Variants in EFL1 observed in about 807,000 individuals in gnomAD.
EFL1 encodes the protein elongation factor like GTPase 1.
EFL1 carries 76 observed loss-of-function variants against 126.7 expected under a neutral mutation model. The ratio of observed to expected loss-of-function variants is 0.60; its 90% CI spans 0.50 to 0.73. The LOEUF is 0.73. Among genes scored for constraint, EFL1 ranks in the 30% least tolerant of loss-of-function variants. EFL1 has a pLI of 0.00. For synonymous variants in EFL1, 410 were observed against 448.4 expected (o/e 0.91, Z 1.08); for missense variants, 1,128 against 1,343.2 (o/e 0.84, Z 2.50).
chr15:82,196,462 G>A (rs2074409047), intron 15 of EFL1, among the ~76,000 whole-genome samples: 1 of 152,180 alleles, frequency 6.6e-6, no homozygotes, highest in Non-Finnish European at 1.5e-5. Flanking sequence ...TAAGTGAGAA[G>A]AATCAGTAAC....
chr15:82,245,262 C>T (rs1193948499), intron 4 of EFL1, among the ~76,000 whole-genome samples: 1 of 152,026 alleles, frequency 6.6e-6, no homozygotes, highest in Non-Finnish European at 1.5e-5. Context: ...AGCGATCCTC[C>T]TGCCTCAGCC....
At chr15:82,245,775 A>T (rs1455570266) in intron 4 of EFL1, among the ~76,000 whole-genome samples, 8 of 151,878 alleles carry the variant, frequency 5.3e-5, no homozygotes, top group Admixed American at 1.3e-4. Context: ...TCTACAAAAA[A>T]ATTTAAAAAA....
chr15:82,233,005 T>C (rs1054245911), intron 7 of EFL1, among the ~76,000 whole-genome samples: 15 of 152,300 alleles, frequency 9.8e-5, no homozygotes, highest in African/African-American at 3.6e-4. Flanking sequence ...ATTCTGAAAG[T>C]GGTAAACTTA....
At position 82,259,165 on chromosome 15, in the gene EFL1, T is replaced by C. The variant is rs1474947941; in HGVS notation, c.92-10A>G. The C allele has an allele frequency of 3.7e-6, 6 of 1,611,928 alleles. No individual in the cohort carries two copies. The highest frequency in any genetic ancestry group is 4.2e-6 in the Non-Finnish European group (5 of 1,178,174). On this transcript the variant is annotated splice_polypyrimidine_tract_variant and intron_variant, in intron 2 of 19. Transcript: ENST00000268206. ...GCCAGAGTAGTTTTTCCTGTTAAAA[T>C]AGCAACATCAATTCAAATCTATATC...
At chr15:82,134,358 GAAGAAA>G (rs2073697164) in intron 19 of EFL1, among the ~76,000 whole-genome samples, 1 of 149,846 alleles carries the variant, frequency 6.7e-6, no homozygotes, top group South Asian at 2.1e-4. Flanking sequence ...ATATCAAACT[GAAGAAA>G]AAGGTGCTTT....
At chr15:82,202,790 G>A (rs1390201888) in intron 15 of EFL1, among the ~76,000 whole-genome samples, 2 of 151,312 alleles carry the variant, frequency 1.3e-5, no homozygotes, top group African/African-American at 2.4e-5. Flanking sequence ...CAAACTCAAG[G>A]AAAGATATTA....
At chr15:82,137,170 A>G (rs1280365279) in intron 19 of EFL1, among the ~76,000 whole-genome samples, 1 of 152,150 alleles carries the variant, frequency 6.6e-6, no homozygotes. Context: ...ACCCTTCTTT[A>G]CTTCACTGAT....
chr15:82,156,880 T>C (rs866251123), intron 17 of EFL1, among the ~76,000 whole-genome samples: 1 of 152,194 alleles, frequency 6.6e-6, no homozygotes, highest in Non-Finnish European at 1.5e-5. Context: ...GTCTTCAAGA[T>C]TGGTGAAATT....
At chr15:82,154,655 G>C (rs977558622) in intron 17 of EFL1, among the ~76,000 whole-genome samples, 1 of 152,184 alleles carries the variant, frequency 6.6e-6, no homozygotes, top group Non-Finnish European at 1.5e-5. Context: ...ATGCCATTAA[G>C]TATGAAGGTA....
At chr15:82,221,404 G>C (rs1312991461) in intron 12 of EFL1, among the ~76,000 whole-genome samples, 1 of 152,134 alleles carries the variant, frequency 6.6e-6, no homozygotes, top group African/African-American at 2.4e-5. Flanking sequence ...CTGATGCAAA[G>C]TGGCCTAACT....
chr15:82,256,520 T>C (rs1310856134), intron 3 of EFL1, among the ~76,000 whole-genome samples: 1 of 152,210 alleles, frequency 6.6e-6, no homozygotes, highest in Non-Finnish European at 1.5e-5. Context: ...GTAGAAGTTA[T>C]AACACAATGA....
chr15:82,178,276 C>T (rs965016470), intron 15 of EFL1, among the ~76,000 whole-genome samples: 2 of 152,194 alleles, frequency 1.3e-5, no homozygotes, highest in Admixed American at 6.5e-5. Context: ...ATAATAACCA[C>T]CAAATCACAC....
At chr15:82,239,852 C>G (rs1475788335) in intron 6 of EFL1, among the ~76,000 whole-genome samples, 5 of 152,176 alleles carry the variant, frequency 3.3e-5, no homozygotes, top group Admixed American at 1.3e-4. Context: ...TCATTCTTCC[C>G]TCTTGACCCA....
chr15:82,135,257 A>AT (rs200491180), intron 19 of EFL1, among the ~76,000 whole-genome samples: 56 of 152,258 alleles, frequency 3.7e-4, no homozygotes, highest in African/African-American at 1.3e-3. Context: ...AGAAAGTAAT[A>AT]TTTTTTAAAA....
intron 15 of EFL1, among the ~76,000 whole-genome samples, chr15:82,202,313 T>TA (rs34371343): frequency 0.15 from 23,169 of 151,844 alleles, 3,196 homozygotes; most frequent in African/African-American, 0.37. Flanking sequence ...TTCTTTGGAT[T>TA]AAAAAAAATT....
At chr15:82,131,760 C>G (rs2141204745) in intron 19 of EFL1, among the ~76,000 whole-genome samples, 1 of 152,076 alleles carries the variant, frequency 6.6e-6, no homozygotes. Context: ...CCATTGCACT[C>G]CAGCCTGGGC....
intron 4 of EFL1, among the ~76,000 whole-genome samples, chr15:82,245,023 C>T (rs1289252948): frequency 6.6e-6 from 1 of 152,080 alleles, no homozygotes; most frequent in Admixed American, 6.5e-5. Context: ...ATAGGCAGAA[C>T]CTGAGTTATC....
intron 3 of EFL1, among the ~76,000 whole-genome samples, chr15:82,254,177 T>G (rs889800623): frequency 6.6e-6 from 1 of 152,246 alleles, no homozygotes; most frequent in Non-Finnish European, 1.5e-5. Context: ...TTTTTCTTGA[T>G]TCCAGTGCAG....
intron 2 of EFL1, among the ~76,000 whole-genome samples, chr15:82,260,837 T>TGGTC (rs1344873591): frequency 1.3e-5 from 2 of 152,240 alleles, no homozygotes; most frequent in Non-Finnish European, 2.9e-5. Context: ...CCTCGCCAAC[T>TGGTC]GGTCCTTCAT....
Sources: gnomAD v4.1 joint callset for allele counts (sites outside exome capture counted in the v4.1 genomes callset) on GRCh38, gnomAD v4.1.1 for gene constraint, MANE v1.5 for transcripts, NCBI Gene and HGNC (gene_info 2026-07-23, HGNC 2026-07-21) for gene names.